The following CATSPER3 variants were observed in gnomAD, a reference collection of about 807,000 sequenced individuals.
CATSPER3 encodes cation channel sperm associated 3, also known as cation channel sperm-associated protein 3.
Under a neutral mutation model 36.6 loss-of-function variants are expected in CATSPER3, and 23 were observed. The observed-to-expected ratio is 0.63, with a 90% confidence interval of 0.45 to 0.89. The LOEUF (loss-of-function observed/expected upper bound fraction) is 0.89. Ranked by LOEUF, CATSPER3 falls within the 40% of genes least tolerant of loss-of-function variation. The probability of loss-of-function intolerance (pLI) is 0.00; values close to 1 mark genes in which losing one functional copy is unlikely to be tolerated. For missense variants in CATSPER3, 474 were observed against 503.9 expected (o/e 0.94, Z 0.57); for synonymous variants, 172 against 184.1 (o/e 0.93, Z 0.53).
In CATSPER3 at chr5:135,010,499, A is replaced by G. The variant is rs201141690; in HGVS notation, c.1063A>G (p.Thr355Ala). Residue 355 changes from threonine to alanine, a missense_variant, in exon 7 of 8, where the codon ACT (threonine) becomes GCT (alanine). Physicochemically the swap from Thr to Ala is moderately conservative, Grantham distance 58 (BLOSUM62 0). Coordinates refer to ENST00000282611, the MANE Select transcript of CATSPER3 (RefSeq NM_178019.3). ...SLPFIDIYFS[T>A]LDYQDTTVHK... Reference sequence around the variant, plus strand: ...ACCCTTCATCGATATCTACTTTTCCACTCTGGACTACCAGGACACAACTGT... The same window carrying G: ...ACCCTTCATCGATATCTACTTTTCCGCTCTGGACTACCAGGACACAACTGT... 197 of 1,613,552 alleles carry G rather than the reference A, an allele frequency of 1.2e-4. No individual in the cohort carries two copies. The highest frequency in any genetic ancestry group is 1.5e-4 in the Non-Finnish European group (176 of 1,179,866).
intron 2 of CATSPER3, among the ~76,000 whole-genome samples, chr5:134,974,901 C>T (rs921654647): frequency 1.3e-5 from 2 of 152,116 alleles, no homozygotes; most frequent in African/African-American, 2.4e-5. Flanking sequence ...GGAGCCTAAA[C>T]CCTCTGTTTG....
chr5:134,992,473 C>G (rs896200086), intron 2 of CATSPER3, among the ~76,000 whole-genome samples: 3 of 152,082 alleles, frequency 2.0e-5, no homozygotes, highest in Non-Finnish European at 4.4e-5. Flanking sequence ...ACCTGTAATC[C>G]TAGCACTTTG....
intron 2 of CATSPER3, among the ~76,000 whole-genome samples, chr5:134,983,819 A>G (rs1303578149): frequency 6.6e-6 from 1 of 152,208 alleles, no homozygotes; most frequent in African/African-American, 2.4e-5. Flanking sequence ...AAATTAAAAT[A>G]TTGAAATCAA....
chr5:135,000,467 A>G (rs763678180), intron 3 of CATSPER3, among the ~76,000 whole-genome samples: 49 of 152,174 alleles, frequency 3.2e-4, no homozygotes, highest in African/African-American at 6.0e-4. Context: ...CTCTTTTTCT[A>G]TCAATTGGAA....
At chr5:135,009,335 G>C (rs761923156) in intron 5 of CATSPER3, 36 bp from the exon 6 acceptor site, 4 of 1,609,098 alleles carry the variant, frequency 2.5e-6, no homozygotes, top group Non-Finnish European at 3.4e-6. Flanking sequence ...CATGTAGCGA[G>C]AGCCTGTAGT....
rs1752113833 is a variant in CATSPER3 at position 135,008,082 on chromosome 5, C to A, written c.618C>A (p.Asp206Glu). The A allele has an allele frequency of 6.2e-7, 1 of 1,614,034 alleles. No individual in the cohort carries two copies. The highest frequency in any genetic ancestry group is 8.5e-7 in the Non-Finnish European group (1 of 1,180,000). Residue 206 changes from aspartate (D) to glutamate (E), a missense_variant, in exon 4 of 8, where the codon GAC becomes GAA. Coordinates refer to ENST00000282611, the MANE Select transcript of CATSPER3 (RefSeq NM_178019.3). ...FCLFGSPDNG[D>E]HDNWGNLAAA... is the part of the protein sequence containing the mutation. The stretch of plus-strand genomic sequence containing the variant: ...TGTTTGGATCTCCAGACAATGGTGA[C>A]CATGATAACTGGGGGAACCTGGCTG...
rs773713428 is a variant in CATSPER3 at position 135,008,881 on chromosome 5, G to GGGAATTT, written c.718_724dup (p.Ala242GlyfsTer40). On this transcript the variant is annotated frameshift_variant, in exon 5 of 8. Transcript: ENST00000282611. LOFTEE classifies it high-confidence loss of function. Reference sequence around the variant, plus strand: ...GACCTGCAGAAGCAGTTGGACAATCGGGAATTTGCTTTGAGCCGGGCATTC... The same window carrying GGGAATTT: ...GACCTGCAGAAGCAGTTGGACAATCGGGAATTTGGAATTTGCTTTGAGCCGGGCATTC... 6.2e-7 allele frequency: 1 copy of GGGAATTT among 1,614,120 alleles called. No homozygotes were observed. Among genetic ancestry groups the GGGAATTT allele is most frequent in the South Asian group, 1.1e-5 (1 of 91,084 alleles).
chr5:134,982,827 T>C (rs954314255), intron 2 of CATSPER3, among the ~76,000 whole-genome samples: 2 of 152,350 alleles, frequency 1.3e-5, no homozygotes, highest in Non-Finnish European at 2.9e-5. Flanking sequence ...TGTAACTCTT[T>C]TTAAAAATAT....
At chr5:134,969,849 C>T in intron 1 of CATSPER3, 90 bp from the exon 2 acceptor site, 8 of 1,323,862 alleles carry the variant, frequency 6.0e-6, no homozygotes, top group Non-Finnish European at 7.6e-6. Flanking sequence ...AGGGAGAAAG[C>T]AGAGCCTTGT....
At chr5:135,011,314 T>C (rs1473768775) in intron 7 of CATSPER3, among the ~76,000 whole-genome samples, 1 of 152,218 alleles carries the variant, frequency 6.6e-6, no homozygotes, top group Non-Finnish European at 1.5e-5. Flanking sequence ...TATTTCCACC[T>C]GACACATGAA....
chr5:134,999,418 T>A lies in CATSPER3; in HGVS notation c.492+2906T>A, dbSNP rs547247114. On this transcript the variant is annotated intron_variant, in intron 3 of 7. Transcript: ENST00000282611. Reference sequence around the variant, plus strand: ...CTCTTTTTTGGTTCCATATGAACTTTAAAGTAGTTTTTTCCAATTCTCTGA... The same window carrying A: ...CTCTTTTTTGGTTCCATATGAACTTAAAAGTAGTTTTTTCCAATTCTCTGA... 2.0e-3 allele frequency among the ~76,000 whole-genome samples: 300 copies of A among 152,278 alleles called. 1 individual carries two copies. Among genetic ancestry groups the A allele is most frequent in the Non-Finnish European group, 3.6e-3 (248 of 68,032 alleles).
chr5:134,974,556 T>C (rs1240029339), intron 2 of CATSPER3, among the ~76,000 whole-genome samples: 1 of 152,212 alleles, frequency 6.6e-6, no homozygotes, highest in Non-Finnish European at 1.5e-5. Flanking sequence ...TGAAATAATT[T>C]ATTACACTAT....
chr5:134,970,202 C>T, intron 2 of CATSPER3, 110 bp downstream of exon 2: 1 of 1,097,524 alleles, frequency 9.1e-7, no homozygotes, highest in South Asian at 1.3e-5. Flanking sequence ...CTCTGTCAGG[C>T]TGGAGTGCAG....
At chr5:134,992,170 T>C (rs1484707926) in intron 2 of CATSPER3, among the ~76,000 whole-genome samples, 1 of 151,220 alleles carries the variant, frequency 6.6e-6, no homozygotes, top group Non-Finnish European at 1.5e-5. Context: ...GAGAAAATAT[T>C]TGCAAATTAT....
At position 135,009,313 on chromosome 5, in the gene CATSPER3, A is replaced by T. The variant is rs546549065; in HGVS notation, c.817-58A>T. The T allele has an allele frequency of 7.6e-6, 12 of 1,580,900 alleles. 1 individual carries two copies. The highest frequency in any genetic ancestry group is 4.0e-5 in the African/African-American group (3 of 74,362). ...GGTGCAAGACTGGGGAAGAGGAAAG[A>T]CTGGGTCTGGGCATGTAGCGAGAGC... On this transcript the variant is annotated intron_variant, in intron 5 of 7. Coordinates refer to ENST00000282611, the MANE Select transcript of CATSPER3 (RefSeq NM_178019.3).
chr5:135,008,733 C>T (rs1239618486), intron 4 of CATSPER3, 108 bp from the exon 5 acceptor site: 21 of 926,100 alleles, frequency 2.3e-5, no homozygotes, highest in Middle Eastern at 2.9e-4. Context: ...GACGTGGAAG[C>T]GGAGCCACCC....
At chr5:134,982,618 A>AG (rs1260032930) in intron 2 of CATSPER3, among the ~76,000 whole-genome samples, 1 of 152,224 alleles carries the variant, frequency 6.6e-6, no homozygotes, top group African/African-American at 2.4e-5. Context: ...TCAAAAATGA[A>AG]GGGGAAATAA....
In CATSPER3 at chr5:135,009,363, C is replaced by A. The variant is rs753699833; in HGVS notation, c.817-8C>A. 3.1e-6 allele frequency: 5 copies of A among 1,613,140 alleles called. No homozygotes were observed. In the South Asian group the frequency reaches 5.5e-5, roughly 18 times the overall value. On this transcript the variant is annotated splice_polypyrimidine_tract_variant and splice_region_variant and intron_variant, in intron 5 of 7. Transcript: ENST00000282611. ...CCTGTAGTTGACCTCCATCGTCTGACTCTCTAGGACTCCATCAGAAAGTTT... is the reference window on the plus strand; with the variant it reads ...CCTGTAGTTGACCTCCATCGTCTGAATCTCTAGGACTCCATCAGAAAGTTT...
rs539322295 is a variant in CATSPER3 at position 135,002,331 on chromosome 5, A to C, written c.493-5626A>C. 1.6e-4 allele frequency among the ~76,000 whole-genome samples: 25 copies of C among 152,292 alleles called. No individual in the cohort carries two copies. In the East Asian group the frequency reaches 4.6e-3, roughly 28 times the overall value. On this transcript the variant is annotated intron_variant, in intron 3 of 7. Coordinates refer to ENST00000282611, the MANE Select transcript of CATSPER3 (RefSeq NM_178019.3). ...CTTGTAGAATTTCTGCCGAGAGATC[A>C]GCTGTTAGTCTGATGGGCTTCCCTT...
Sources: allele counts gnomAD v4.1 joint callset (sites outside exome capture counted in the v4.1 genomes callset), GRCh38; gene constraint gnomAD v4.1.1; transcripts MANE v1.5; gene names NCBI Gene and HGNC (gene_info 2026-07-23, HGNC 2026-07-21).